The following FBXW11 variants were observed in gnomAD, a reference collection of about 807,000 sequenced individuals.
FBXW11 encodes F-box/WD repeat-containing protein 11.
Under a neutral mutation model 77.6 loss-of-function variants are expected in FBXW11, and 19 were observed. That is an observed-to-expected ratio of 0.24 (90% CI 0.17 to 0.36). The LOEUF is 0.36. FBXW11 is among the 10% of genes least tolerant of loss of function. FBXW11 has a pLI of 1.00. For missense variants in FBXW11, 334 were observed against 704.2 expected (o/e 0.47, Z 5.95); for synonymous variants, 235 against 249.4 (o/e 0.94, Z 0.54).
intron 4 of FBXW11, among the ~76,000 whole-genome samples, chr5:171,902,427 C>T (rs863401): frequency 0.86 from 130,958 of 151,994 alleles, 57,652 homozygotes; most frequent in East Asian, 1. Context: ...ATCCCTAAAC[C>T]CCATTTCCCA....
intron 10 of FBXW11, 62 bp from the exon 11 acceptor site, chr5:171,870,920 G>T: frequency 8.6e-7 from 1 of 1,168,602 alleles, no homozygotes; most frequent in Non-Finnish European, 1.3e-6. Flanking sequence ...CTATCCGTAA[G>T]TTTTTTATAT....
Position 171,914,371 on chromosome 5 carries a change from T to G in FBXW11, c.182A>C (p.Glu61Ala). 1 of 1,606,316 alleles carries G rather than the reference T, an allele frequency of 6.2e-7. No individual in the cohort carries two copies. The highest frequency in any genetic ancestry group is 8.5e-7 in the Non-Finnish European group (1 of 1,177,056). Residue 61 changes from glutamate to alanine, a missense_variant, in exon 3 of 14, where the codon GAG becomes GCG. Glu to Ala is a moderately radical substitution (Grantham distance 107, BLOSUM62 -1). Coordinates refer to ENST00000517395, the MANE Select transcript of FBXW11 (RefSeq NM_001378974.1). ...CCAAAGAGTATTTTTCTTTGGGGAC[T>G]CATCTTCATTTTGATCTTCCATAAC... ...TSVMEDQNED[E>A]SPKKNTLWQI...
chr5:171,943,594 G>A (rs1762854864), intron 2 of FBXW11, among the ~76,000 whole-genome samples: 1 of 152,182 alleles, frequency 6.6e-6, no homozygotes, highest in Admixed American at 6.5e-5. Flanking sequence ...GAGTAGCTGG[G>A]ATTACAGGCA....
At chr5:171,991,600 G>A (rs1765742399) in intron 1 of FBXW11, among the ~76,000 whole-genome samples, 1 of 152,118 alleles carries the variant, frequency 6.6e-6, no homozygotes, top group Admixed American at 6.5e-5. Flanking sequence ...CCATCTTAAC[G>A]TTTGATCCAC....
chr5:171,975,876 C>T (rs1183466403), intron 1 of FBXW11, among the ~76,000 whole-genome samples: 12 of 152,076 alleles, frequency 7.9e-5, no homozygotes, highest in Non-Finnish European at 1.5e-4. Flanking sequence ...ACACAGATTT[C>T]GAACCAAATA....
chr5:171,891,407 C>T (rs1048425139), intron 7 of FBXW11, 60 bp downstream of exon 7: 18 of 1,442,492 alleles, frequency 1.2e-5, no homozygotes, highest in Non-Finnish European at 1.7e-5. Context: ...ATTGTCACAT[C>T]TAGTGTCTAA....
chr5:172,005,183 C>T (rs1300222066), intron 1 of FBXW11, among the ~76,000 whole-genome samples: 2 of 152,180 alleles, frequency 1.3e-5, no homozygotes, highest in African/African-American at 4.8e-5. Flanking sequence ...GAATCACTGA[C>T]TCAATAAACA....
At chr5:171,881,107 AT>A (rs1758474436) in intron 7 of FBXW11, among the ~76,000 whole-genome samples, 1 of 152,180 alleles carries the variant, frequency 6.6e-6, no homozygotes, top group Admixed American at 6.5e-5. Context: ...ATAATCATTT[AT>A]TAGTTCTAGG....
intron 6 of FBXW11, among the ~76,000 whole-genome samples, chr5:171,893,433 A>AC (rs1561656873): frequency 6.1e-5 from 9 of 146,490 alleles, no homozygotes; most frequent in Non-Finnish European, 1.1e-4. Flanking sequence ...AAAAAAAAAA[A>AC]AAAAAAAAAA....
At chr5:171,893,529 A>C (rs992683999) in intron 6 of FBXW11, among the ~76,000 whole-genome samples, 1 of 151,482 alleles carries the variant, frequency 6.6e-6, no homozygotes, top group African/African-American at 2.4e-5. Flanking sequence ...AGAGGTCCAG[A>C]ATACAGGCAT....
At chr5:171,909,828 T>C (rs911790757) in intron 4 of FBXW11, among the ~76,000 whole-genome samples, 1 of 152,128 alleles carries the variant, frequency 6.6e-6, no homozygotes, top group Non-Finnish European at 1.5e-5. Flanking sequence ...CTACCAGTTT[T>C]CCCAATGTAT....
At chr5:171,998,336 CTT>C (rs778327855) in intron 1 of FBXW11, among the ~76,000 whole-genome samples, 12 of 114,784 alleles carry the variant, frequency 1.0e-4, no homozygotes, top group Non-Finnish European at 1.2e-4. Flanking sequence ...TTTTTCTTGT[CTT>C]TTTTTTTTTT....
chr5:171,963,800 C>T (rs1185266887), intron 1 of FBXW11, among the ~76,000 whole-genome samples: 5 of 152,118 alleles, frequency 3.3e-5, no homozygotes, highest in Non-Finnish European at 5.9e-5. Context: ...TTCTAGAACT[C>T]GTGGAGAATA....
chr5:171,972,554 T>C (rs1428073536), intron 1 of FBXW11, among the ~76,000 whole-genome samples: 2 of 150,504 alleles, frequency 1.3e-5, no homozygotes, highest in African/African-American at 2.4e-5. Context: ...CTAAAACTTT[T>C]TTTTTTTTGA....
At chr5:171,922,430 G>T (rs1761649098) in intron 2 of FBXW11, among the ~76,000 whole-genome samples, 1 of 152,156 alleles carries the variant, frequency 6.6e-6, no homozygotes, top group African/African-American at 2.4e-5. Flanking sequence ...ACATTGCTGG[G>T]AATTAAAATC....
At chr5:171,982,013 T>C (rs192756514) in intron 1 of FBXW11, among the ~76,000 whole-genome samples, 1 of 152,150 alleles carries the variant, frequency 6.6e-6, no homozygotes. Context: ...TATTTAGGGC[T>C]GGGGCAGAGA....
intron 2 of FBXW11, among the ~76,000 whole-genome samples, chr5:171,932,411 G>A (rs1215467291): frequency 1.3e-5 from 2 of 152,178 alleles, no homozygotes; most frequent in African/African-American, 4.8e-5. Flanking sequence ...TGGAGAAGAT[G>A]TGGAGCTATA....
chr5:171,876,807 C>T lies in FBXW11; in HGVS notation c.972-273G>A, dbSNP rs913057295. ...GAGAGAACAGGTTGTTGAAAAGAGCCTCCTAGCACCTCCTCCCTCTCTCTT... is the reference window on the plus strand; with the variant it reads ...GAGAGAACAGGTTGTTGAAAAGAGCTTCCTAGCACCTCCTCCCTCTCTCTT... On this transcript the variant is annotated intron_variant, in intron 8 of 13. Coordinates refer to ENST00000517395, the MANE Select transcript of FBXW11 (RefSeq NM_001378974.1). The surrounding 1 kb of genome is among the most constrained non-coding windows in gnomAD (Gnocchi z 4.2). 6.6e-6 allele frequency among the ~76,000 whole-genome samples: 1 copy of T among 152,096 alleles called. No homozygotes were observed. Among genetic ancestry groups the T allele is most frequent in the African/African-American group, 2.4e-5 (1 of 41,424 alleles).
At position 171,883,742 on chromosome 5, in the gene FBXW11, G is replaced by A. The variant is rs146358124; in HGVS notation, c.853-5613C>T. Among the ~76,000 whole-genome samples the A allele has an allele frequency of 2.3e-3, 343 of 151,974 alleles. 2 individuals are homozygous for A. Among genetic ancestry groups the A allele is most frequent in the African/African-American group, 8.1e-3 (335 of 41,440 alleles). On this transcript the variant is annotated intron_variant, in intron 7 of 13. Transcript: ENST00000517395. Reference sequence around the variant, plus strand: ...CTCTGATCATTTTATCATGTTTGTCGGGCATTTTTTCCTGTGTTGAGCATT... The same window carrying A: ...CTCTGATCATTTTATCATGTTTGTCAGGCATTTTTTCCTGTGTTGAGCATT...
Sources: allele counts gnomAD v4.1 joint callset (sites outside exome capture counted in the v4.1 genomes callset), GRCh38; gene constraint gnomAD v4.1.1; non-coding constraint Gnocchi (gnomAD v3.1); transcripts MANE v1.5; gene names NCBI Gene and HGNC (gene_info 2026-07-23, HGNC 2026-07-21).